Variants in CACHD1 observed in about 807,000 individuals in gnomAD.
The protein encoded by CACHD1 is cache domain containing 1.
A neutral mutation model predicts 138.7 loss-of-function variants in CACHD1; 71 were observed. That is an observed-to-expected ratio of 0.51 (90% CI 0.42 to 0.62). CACHD1 has a LOEUF of 0.62. Among genes scored for constraint, CACHD1 ranks in the 20% least tolerant of loss-of-function variants. The probability of loss-of-function intolerance (pLI) is 0.00; values close to 1 mark genes in which losing one functional copy is unlikely to be tolerated. For missense variants in CACHD1, 1,389 were observed against 1,625.3 expected, an observed-to-expected ratio of 0.85 and a Z score of 2.50; for synonymous variants, 578 against 591.5, an observed-to-expected ratio of 0.98 and a Z score of 0.33.
chr1:64,612,403 A>G (rs557918368), intron 4 of CACHD1, among the ~76,000 whole-genome samples: 28 of 152,264 alleles, frequency 1.8e-4, no homozygotes, highest in African/African-American at 6.5e-4. Flanking sequence ...TTCAGTCTTC[A>G]CTGTATAGGT....
At chr1:64,674,583 G>T (rs546283958) in intron 19 of CACHD1, among the ~76,000 whole-genome samples, 1 of 152,202 alleles carries the variant, frequency 6.6e-6, no homozygotes, top group East Asian at 1.9e-4. Context: ...TCTAGAGGTG[G>T]GTGTCTTCCA....
intron 1 of CACHD1, among the ~76,000 whole-genome samples, chr1:64,489,180 A>G (rs1646259947): frequency 6.6e-6 from 1 of 152,158 alleles, no homozygotes; most frequent in Admixed American, 6.5e-5. Context: ...GTAAACAATT[A>G]CTATGCTTCA....
In CACHD1 at chr1:64,634,025, T is replaced by C. The variant is rs753972016; in HGVS notation, c.790-19T>C. 6.0e-5 allele frequency: 94 copies of C among 1,567,718 alleles called. 2 individuals are homozygous for C. The highest frequency in any genetic ancestry group is 6.4e-5 in the Non-Finnish European group (74 of 1,156,930). ...AGGATAACAAGTTTGGTGGTTTTTT[T>C]TTTTTTTCTTTCCTGCAGATTTCTG... is the stretch of plus-strand genomic sequence containing the variant. On this transcript the variant is annotated intron_variant, in intron 6 of 26. Transcript: ENST00000651257.
intron 23 of CACHD1, among the ~76,000 whole-genome samples, chr1:64,678,914 A>G (rs1650080761): frequency 6.6e-6 from 1 of 152,172 alleles, no homozygotes; most frequent in Non-Finnish European, 1.5e-5. Flanking sequence ...ATTAGCACCA[A>G]GGCCTAATTC....
At chr1:64,628,046 A>T (rs528437031) in intron 4 of CACHD1, among the ~76,000 whole-genome samples, 1 of 152,240 alleles carries the variant, frequency 6.6e-6, no homozygotes, top group Non-Finnish European at 1.5e-5. Flanking sequence ...CTTCAATGCA[A>T]TCTGAAGATA....
At chr1:64,612,067 G>T (rs563651861) in intron 4 of CACHD1, among the ~76,000 whole-genome samples, 3 of 152,230 alleles carry the variant, frequency 2.0e-5, no homozygotes, top group Middle Eastern at 6.8e-3. Flanking sequence ...ATCAGATTTA[G>T]TGAGAACTCA....
intron 26 of CACHD1, among the ~76,000 whole-genome samples, chr1:64,684,599 A>G (rs951838340): frequency 3.9e-5 from 6 of 152,038 alleles, no homozygotes; most frequent in African/African-American, 1.4e-4. Context: ...ACAGTAAGCA[A>G]AGGTTTATTA....
At position 64,652,146 on chromosome 1, in the gene CACHD1, G is replaced by GT; in HGVS notation, c.1391-10dup. The GT allele has an allele frequency of 1.3e-6, 2 of 1,595,726 alleles. No homozygotes were observed. Among genetic ancestry groups the GT allele is most frequent in the Non-Finnish European group, 1.7e-6 (2 of 1,173,178 alleles). On this transcript the variant is annotated splice_polypyrimidine_tract_variant and intron_variant, in intron 9 of 26. Transcript: ENST00000651257. ...CTCTGCTGGTCTTTAGATTTATTTT[G>GT]TTTTTAACCCATAGGTTTGATAATG...
In CACHD1 at chr1:64,569,002, A is replaced by G. The variant is rs147372292; in HGVS notation, c.262-13154A>G. Among the ~76,000 whole-genome samples the G allele has an allele frequency of 1.2e-3, 176 of 151,248 alleles. 6 individuals are homozygous for G. The highest frequency in any genetic ancestry group is 8.0e-3 in the Admixed American group (122 of 15,168). ...AATGGCGTGATCTCATCTCACCACAACCTCCGCCTCCTGGATTCAAACGAT... is the reference window on the plus strand; with the variant it reads ...AATGGCGTGATCTCATCTCACCACAGCCTCCGCCTCCTGGATTCAAACGAT... On this transcript the variant is annotated intron_variant, in intron 2 of 26. Transcript: ENST00000651257.
chr1:64,565,246 G>T (rs1646872191), intron 2 of CACHD1, among the ~76,000 whole-genome samples: 1 of 151,668 alleles, frequency 6.6e-6, no homozygotes, highest in Admixed American at 6.6e-5. Flanking sequence ...GTTCAGGTTG[G>T]GTCCTGGTTT....
At position 64,582,143 on chromosome 1, in the gene CACHD1, T is replaced by C. The variant is rs1036616914; in HGVS notation, c.262-13T>C. On this transcript the variant is annotated splice_polypyrimidine_tract_variant and intron_variant, in intron 2 of 26. Transcript: ENST00000651257. ...TGGACTTTCGATTTATTTTGCTCAC[T>C]GTCATCCCACAGCTAGCCAAAAAAA... The C allele has an allele frequency of 9.3e-6, 15 of 1,613,266 alleles. No individual in the cohort carries two copies. In the Admixed American group the frequency reaches 1.8e-4, roughly 20 times the overall value.
chr1:64,544,254 G>A (rs1414017023), intron 1 of CACHD1, among the ~76,000 whole-genome samples: 1 of 152,118 alleles, frequency 6.6e-6, no homozygotes, highest in Non-Finnish European at 1.5e-5. Flanking sequence ...CAGGGAGGGA[G>A]ACCCAGAGAA....
intron 4 of CACHD1, among the ~76,000 whole-genome samples, chr1:64,603,306 G>GT (rs1370317548): frequency 2.6e-5 from 4 of 151,760 alleles, no homozygotes; most frequent in Non-Finnish European, 5.9e-5. Context: ...GGTTTTCACT[G>GT]TGTTAGCCAG....
intron 4 of CACHD1, among the ~76,000 whole-genome samples, chr1:64,603,869 G>C (rs1053543561): frequency 6.6e-6 from 1 of 152,050 alleles, no homozygotes; most frequent in Non-Finnish European, 1.5e-5. Context: ...AGAACCTAGA[G>C]GGTTCACCGT....
At chr1:64,478,695 T>C (rs974902888) in intron 1 of CACHD1, among the ~76,000 whole-genome samples, 1 of 152,042 alleles carries the variant, frequency 6.6e-6, no homozygotes, top group African/African-American at 2.4e-5. Flanking sequence ...AAATATGGGA[T>C]CTAGAGTACA....
At chr1:64,591,685 A>G (rs968219760) in intron 3 of CACHD1, among the ~76,000 whole-genome samples, 1 of 152,200 alleles carries the variant, frequency 6.6e-6, no homozygotes, top group Non-Finnish European at 1.5e-5. Context: ...TCATGTAACA[A>G]CTAGAAGTAA....
chr1:64,486,841 T>C (rs938370859), intron 1 of CACHD1, among the ~76,000 whole-genome samples: 4 of 152,168 alleles, frequency 2.6e-5, no homozygotes, highest in African/African-American at 4.8e-5. Context: ...TATTTAAACA[T>C]GTAAATGCTA....
chr1:64,630,343 C>T (rs901461491), intron 5 of CACHD1, among the ~76,000 whole-genome samples: 1 of 149,664 alleles, frequency 6.7e-6, no homozygotes, highest in African/African-American at 2.5e-5. Context: ...GCTCTTGTTG[C>T]CCAGGCTGGA....
In CACHD1 at chr1:64,667,516, G is replaced by A. The variant is rs184913988; in HGVS notation, c.2387+1349G>A. Among the ~76,000 whole-genome samples, 5 of 152,280 alleles carry A rather than the reference G, an allele frequency of 3.3e-5. No homozygotes were observed. The East Asian group carries it at 9.6e-4, about 29-fold the overall frequency. On this transcript the variant is annotated intron_variant, in intron 16 of 26. Transcript: ENST00000651257. ...TCTCCCATCATATAAGATTTCATAT[G>A]CAAACAAGTAAACACTTACTTAGAA...
Sources: gnomAD v4.1 joint callset for allele counts (sites outside exome capture counted in the v4.1 genomes callset) on GRCh38, gnomAD v4.1.1 for gene constraint, MANE v1.5 for transcripts, NCBI Gene and HGNC (gene_info 2026-07-23, HGNC 2026-07-21) for gene names.